The following TWIST2 variants were observed in gnomAD, a reference collection of about 807,000 sequenced individuals.
The protein encoded by TWIST2 is twist family bHLH transcription factor 2.
In TWIST2, 1 loss-of-function variant was observed where a neutral mutation model predicts 11.6. The ratio of observed to expected loss-of-function variants is 0.09; its 90% CI spans 0.03 to 0.41. The LOEUF (loss-of-function observed/expected upper bound fraction) is 0.41. Among genes scored for constraint, TWIST2 ranks in the 10% least tolerant of loss-of-function variants. The pLI, the probability that TWIST2 is intolerant of heterozygous loss-of-function variation, is 0.98. For missense variants in TWIST2, 168 were observed against 226.4 expected (o/e 0.74, Z 1.66); for synonymous variants, 87 against 96.6 (o/e 0.90, Z 0.58).
intron 1 of TWIST2, among the ~76,000 whole-genome samples, chr2:238,888,793 C>T (rs1693083452): frequency 6.6e-6 from 1 of 152,202 alleles, no homozygotes; most frequent in African/African-American, 2.4e-5. Flanking sequence ...CAACCAAAAT[C>T]AGTCATTTCT....
At chr2:238,901,025 G>T (rs1253388370) in intron 1 of TWIST2, among the ~76,000 whole-genome samples, 3 of 148,360 alleles carry the variant, frequency 2.0e-5, no homozygotes, top group Admixed American at 2.0e-4. Context: ...CATTGCCCAG[G>T]CTGGAGTACA....
chr2:238,907,439 G>A (rs1693371073), intron 1 of TWIST2, among the ~76,000 whole-genome samples: 1 of 152,168 alleles, frequency 6.6e-6, no homozygotes, highest in Non-Finnish European at 1.5e-5. Flanking sequence ...CCCTGCAGGT[G>A]GGAACCAGGC....
intron 1 of TWIST2, among the ~76,000 whole-genome samples, chr2:238,906,648 ACACT>A (rs1340358163): frequency 1.3e-5 from 2 of 152,124 alleles, no homozygotes; most frequent in East Asian, 3.9e-4. Flanking sequence ...ACTAGTGGGC[ACACT>A]CACAGACACA....
chr2:238,863,268 G>C lies in TWIST2; in HGVS notation c.*35+14535G>C, dbSNP rs1256102321. Among the ~76,000 whole-genome samples the C allele has an allele frequency of 6.6e-6, 1 of 152,114 alleles. No homozygotes were observed. Among genetic ancestry groups the C allele is most frequent in the Admixed American group, 6.6e-5 (1 of 15,262 alleles). On this transcript the variant is annotated intron_variant, in intron 1 of 1. Transcript: ENST00000612363. This position sits in a 1 kb window ranked among gnomAD's most constrained non-coding sequence, Gnocchi z 4.7. The stretch of plus-strand genomic sequence containing the variant: ...AATGCCCTCACCGCAACCCCCACTC[G>C]GTGTTAGGACTTAGGTACTTGCTGA...
intron 1 of TWIST2, among the ~76,000 whole-genome samples, chr2:238,884,622 G>T (rs1692998242): frequency 6.6e-6 from 1 of 152,204 alleles, no homozygotes; most frequent in East Asian, 1.9e-4. Context: ...CCTGCCAGGG[G>T]GCTGGGGCAG....
intron 1 of TWIST2, among the ~76,000 whole-genome samples, chr2:238,870,959 A>C (rs1333542842): frequency 1.0e-4 from 1 of 9,590 alleles, no homozygotes; most frequent in Non-Finnish European, 2.0e-4. Flanking sequence ...CCCACACCCC[A>C]CACACACCAC....
intron 1 of TWIST2, among the ~76,000 whole-genome samples, chr2:238,905,219 G>A (rs1056885499): frequency 0.058 from 8,863 of 152,144 alleles, 401 homozygotes; most frequent in East Asian, 0.16. Context: ...TTAGGGCCCC[G>A]GTCTGGTGTG....
chr2:238,851,185 C>T (rs1185332039), intron 1 of TWIST2, among the ~76,000 whole-genome samples: 1 of 152,218 alleles, frequency 6.6e-6, no homozygotes, highest in Non-Finnish European at 1.5e-5. Flanking sequence ...ACTGTCAAGA[C>T]TAACAGCAAC....
At chr2:238,909,760 G>C (rs1693421969) in intron 1 of TWIST2, 82 bp from the exon 2 acceptor site, 1 of 152,336 alleles carries the variant, frequency 6.6e-6, no homozygotes, top group African/African-American at 2.4e-5. Context: ...GTCCCACCCA[G>C]CCTTGGGACA....
chr2:238,902,367 G>A (rs1693277738), intron 1 of TWIST2, among the ~76,000 whole-genome samples: 1 of 151,036 alleles, frequency 6.6e-6, no homozygotes, highest in Admixed American at 6.6e-5. Flanking sequence ...ATCGGAGTAT[G>A]TGGTGTATGT....
At chr2:238,903,164 T>G in intron 1 of TWIST2, among the ~76,000 whole-genome samples, 1 of 129,304 alleles carries the variant, frequency 7.7e-6, no homozygotes, top group African/African-American at 3.0e-5. Context: ...GTATGTGAGG[T>G]GTGGGATGTA....
chr2:238,871,749 AG>A, intron 1 of TWIST2, among the ~76,000 whole-genome samples: 1 of 149,714 alleles, frequency 6.7e-6, no homozygotes, highest in East Asian at 2.1e-4. Context: ...TAGGGACCAT[AG>A]CATGGATGAA....
intron 1 of TWIST2, among the ~76,000 whole-genome samples, chr2:238,871,884 G>A (rs1260636143): frequency 6.6e-6 from 1 of 152,156 alleles, no homozygotes; most frequent in Non-Finnish European, 1.5e-5. Flanking sequence ...TGGCTGCCGG[G>A]GGCCGAGGGG....
intron 1 of TWIST2, among the ~76,000 whole-genome samples, chr2:238,879,225 A>C (rs1692861506): frequency 6.6e-6 from 1 of 152,154 alleles, no homozygotes; most frequent in Admixed American, 6.5e-5. Flanking sequence ...GCTTGGAGTC[A>C]GTACCTTCTT....
intron 1 of TWIST2, among the ~76,000 whole-genome samples, chr2:238,870,429 CCCT>C (rs1692648556): frequency 8.3e-6 from 1 of 119,958 alleles, no homozygotes; most frequent in South Asian, 2.8e-4. Context: ...AAACCACACA[CCCT>C]ACACACACCA....
At chr2:238,860,456 G>C (rs1399153183) in intron 1 of TWIST2, among the ~76,000 whole-genome samples, 1 of 152,174 alleles carries the variant, frequency 6.6e-6, no homozygotes, top group Non-Finnish European at 1.5e-5. Context: ...ACCCCATCCT[G>C]TTTCTTTTTA....
rs541863739 is a variant in TWIST2, at chr2:238,877,674, A to G, written c.*35+28941A>G. On this transcript the variant is annotated intron_variant, in intron 1 of 1. Transcript: ENST00000612363. The stretch of plus-strand genomic sequence containing the variant: ...AAAAATCTCTTAGCTAGAGAGTCCA[A>G]TAGAATATTTTTTGAATGAGGAGCT... Among the ~76,000 whole-genome samples, 14 of 152,350 alleles carry G rather than the reference A, an allele frequency of 9.2e-5. No individual in the cohort carries two copies. The East Asian group carries it at 9.6e-4, about 10-fold the overall frequency.
At chr2:238,896,180 C>G (rs1693205117) in intron 1 of TWIST2, among the ~76,000 whole-genome samples, 1 of 152,302 alleles carries the variant, frequency 6.6e-6, no homozygotes, top group South Asian at 2.1e-4. Context: ...GAAGACGGCT[C>G]CGCAGTCGCC....
rs142792422 is a variant in TWIST2, at chr2:238,850,895, T to C, written c.*35+2162T>C. ...AGAGAAAAGAAATATGGAAAAATTT[T>C]ATCCATGAATGATTCTGGACACACC... On this transcript the variant is annotated intron_variant, in intron 1 of 1. Transcript: ENST00000612363. 5.3e-5 allele frequency among the ~76,000 whole-genome samples: 8 copies of C among 152,322 alleles called. No individual in the cohort carries two copies. The East Asian group carries it at 1.5e-3, about 29-fold the overall frequency.
Sources: gnomAD v4.1 joint callset for allele counts (sites outside exome capture counted in the v4.1 genomes callset) on GRCh38, gnomAD v4.1.1 for gene constraint, Gnocchi (gnomAD v3.1) non-coding constraint, MANE v1.5 for transcripts, NCBI Gene and HGNC (gene_info 2026-07-23, HGNC 2026-07-21) for gene names.